The following NCKAP5 variants were observed in gnomAD, a reference collection of about 807,000 sequenced individuals.
NCKAP5 encodes nck-associated protein 5.
In NCKAP5, 92 loss-of-function variants were observed where a neutral mutation model predicts 167.0. The ratio of observed to expected loss-of-function variants is 0.55; its 90% CI spans 0.47 to 0.66. The LOEUF is 0.66. Among genes scored for constraint, NCKAP5 ranks in the 30% least tolerant of loss-of-function variants. The pLI is 0.00. For synonymous variants in NCKAP5, 891 were observed against 877.4 expected, an observed-to-expected ratio of 1.02 and a Z score of -0.27; for missense variants, 2,378 against 2,315.0, an observed-to-expected ratio of 1.03 and a Z score of -0.56.
At chr2:133,586,705 C>G in the NCKAP5 span, among the ~76,000 whole-genome samples, 6 of 151,218 alleles carry the variant, frequency 4.0e-5, no homozygotes, top group African/African-American at 1.5e-4. Flanking sequence ...CACAAGAAAT[C>G]TGGGGTACAA....
At chr2:132,762,390 C>A (rs1681083098) in intron 16 of NCKAP5, among the ~76,000 whole-genome samples, 2 of 152,216 alleles carry the variant, frequency 1.3e-5, no homozygotes, top group African/African-American at 2.4e-5. Context: ...CCATAAGTTA[C>A]AAACACAGGC....
At chr2:133,180,684 A>C (rs182723393) in intron 5 of NCKAP5, among the ~76,000 whole-genome samples, 48 of 152,292 alleles carry the variant, frequency 3.2e-4, no homozygotes, top group African/African-American at 1.1e-3. Flanking sequence ...AATGATAAAG[A>C]AGTAACCAAC....
chr2:132,745,381 C>T (rs1173109573), intron 16 of NCKAP5, among the ~76,000 whole-genome samples: 12 of 148,946 alleles, frequency 8.1e-5, no homozygotes, highest in African/African-American at 2.7e-4. Flanking sequence ...AATTCAACAT[C>T]CTTTCATGAC....
At chr2:133,118,442 C>T (rs2082149834) in intron 6 of NCKAP5, 1 of 151,854 alleles carries the variant, frequency 6.6e-6, no homozygotes, top group Admixed American at 6.6e-5. Context: ...GGCCAAATAC[C>T]ATCCACAGTG....
chr2:133,227,728 C>A (rs568239297), intron 4 of NCKAP5, among the ~76,000 whole-genome samples: 13 of 152,334 alleles, frequency 8.5e-5, no homozygotes, highest in African/African-American at 2.9e-4. Flanking sequence ...ATCTCACTTT[C>A]CTTTCAGAGT....
chr2:132,713,553 A>G (rs887854537), intron 19 of NCKAP5, among the ~76,000 whole-genome samples: 1 of 152,224 alleles, frequency 6.6e-6, no homozygotes, highest in African/African-American at 2.4e-5. Flanking sequence ...CTGTTGGCAT[A>G]GCTTCCAGGT....
chr2:132,861,673 G>A (rs1271248416), intron 10 of NCKAP5, among the ~76,000 whole-genome samples: 2 of 152,164 alleles, frequency 1.3e-5, no homozygotes, highest in East Asian at 3.9e-4. Flanking sequence ...TTGAAGTACA[G>A]TTCAAACTTT....
At chr2:133,440,680 A>T (rs1197750941) in intron 3 of NCKAP5, among the ~76,000 whole-genome samples, 2 of 132,630 alleles carry the variant, frequency 1.5e-5, no homozygotes, top group Non-Finnish European at 3.1e-5. Context: ...ACTGCACTCC[A>T]GCCTGGGCGA....
chr2:132,986,211 T>C (rs750827657), intron 7 of NCKAP5, among the ~76,000 whole-genome samples: 1 of 152,180 alleles, frequency 6.6e-6, no homozygotes, highest in Non-Finnish European at 1.5e-5. Context: ...AAAATCAGTA[T>C]AGATGAATAT....
chr2:133,239,166 A>C lies in NCKAP5; in HGVS notation c.144-25387T>G, dbSNP rs553906495. Among the ~76,000 whole-genome samples the C allele has an allele frequency of 1.9e-3, 295 of 152,310 alleles. 1 individual carries two copies. Among genetic ancestry groups the C allele is most frequent in the African/African-American group, 6.8e-3 (284 of 41,572 alleles). ...ACATTATGTGCTGGCATCTTCTAAAATATGTTCACTTATTATGTTTACTAG... is the reference window on the plus strand; with the variant it reads ...ACATTATGTGCTGGCATCTTCTAAACTATGTTCACTTATTATGTTTACTAG... On this transcript the variant is annotated intron_variant, in intron 4 of 19. Coordinates refer to ENST00000409261, the MANE Select transcript of NCKAP5 (RefSeq NM_207363.3).
At chr2:133,076,105 C>T (rs2080591801) in intron 6 of NCKAP5, among the ~76,000 whole-genome samples, 1 of 152,162 alleles carries the variant, frequency 6.6e-6, no homozygotes. Context: ...AATGTTTACA[C>T]AATTTTATGT....
chr2:133,102,534 T>C (rs912992506), intron 6 of NCKAP5, among the ~76,000 whole-genome samples: 6 of 152,192 alleles, frequency 3.9e-5, no homozygotes, highest in Admixed American at 3.3e-4. Context: ...AAAACCGTTT[T>C]GTTAATTAGC....
chr2:133,300,560 C>A (rs1680314883), intron 4 of NCKAP5, among the ~76,000 whole-genome samples: 1 of 134,892 alleles, frequency 7.4e-6, no homozygotes, highest in Non-Finnish European at 1.6e-5. Context: ...CAGAAAAAGC[C>A]TTTGACAAAA....
At chr2:132,964,107 G>C (rs182901900) in intron 7 of NCKAP5, among the ~76,000 whole-genome samples, 1 of 152,208 alleles carries the variant, frequency 6.6e-6, no homozygotes, top group Non-Finnish European at 1.5e-5. Context: ...TGCACAGTTG[G>C]AGAAGTGACT....
At chr2:133,654,851 T>C in the NCKAP5 span, among the ~76,000 whole-genome samples, 1 of 152,228 alleles carries the variant, frequency 6.6e-6, no homozygotes, top group East Asian at 1.9e-4. Flanking sequence ...TCGGCTGTTT[T>C]TGGATACTCT....
At chr2:133,634,957 C>A in the NCKAP5 span, among the ~76,000 whole-genome samples, 3 of 151,818 alleles carry the variant, frequency 2.0e-5, no homozygotes, top group Admixed American at 1.3e-4. Context: ...AACCTCTGCG[C>A]CTCCTGGGTT....
At chr2:133,495,836 G>T (rs1461774708) in intron 3 of NCKAP5, among the ~76,000 whole-genome samples, 1 of 152,106 alleles carries the variant, frequency 6.6e-6, no homozygotes, top group African/African-American at 2.4e-5. Context: ...TTCCTTGCTG[G>T]TTACTCTCAG....
At chr2:133,256,831 A>G (rs974339209) in intron 4 of NCKAP5, among the ~76,000 whole-genome samples, 4 of 152,192 alleles carry the variant, frequency 2.6e-5, no homozygotes, top group African/African-American at 4.8e-5. Flanking sequence ...TTGGGGCTGC[A>G]GCCCTCATCC....
chr2:133,280,710 G>T (rs916598657), intron 4 of NCKAP5, among the ~76,000 whole-genome samples: 10 of 152,126 alleles, frequency 6.6e-5, no homozygotes, highest in Non-Finnish European at 1.3e-4. Flanking sequence ...TCTAGATCAG[G>T]AATTGGCACC....
Sources: gnomAD v4.1 joint callset for allele counts (sites outside exome capture counted in the v4.1 genomes callset) on GRCh38, gnomAD v4.1.1 for gene constraint, MANE v1.5 for transcripts, NCBI Gene and HGNC (gene_info 2026-07-23, HGNC 2026-07-21) for gene names.